DAPP1: variants seen among roughly 807,000 people sequenced by gnomAD.
DAPP1 encodes dual adapter for phosphotyrosine and 3-phosphotyrosine and 3-phosphoinositide.
Under a neutral mutation model 41.5 loss-of-function variants are expected in DAPP1, and 20 were observed. That is an observed-to-expected ratio of 0.48 (90% CI 0.34 to 0.70). The LOEUF (loss-of-function observed/expected upper bound fraction) is 0.70. Ranked by LOEUF, DAPP1 falls within the 30% of genes least tolerant of loss-of-function variation. The pLI is 0.01. For synonymous variants in DAPP1, 113 were observed against 116.2 expected, an observed-to-expected ratio of 0.97 and a Z score of 0.18; for missense variants, 233 against 333.4, an observed-to-expected ratio of 0.70 and a Z score of 2.35.
At chr4:99,834,567 C>G (rs896289540) in intron 1 of DAPP1, among the ~76,000 whole-genome samples, 3 of 152,126 alleles carry the variant, frequency 2.0e-5, no homozygotes, top group Admixed American at 6.5e-5. Context: ...ATGACAATAG[C>G]CTTTAGTATT....
chr4:99,860,593 T>A (rs1724204451), intron 4 of DAPP1, among the ~76,000 whole-genome samples: 1 of 152,236 alleles, frequency 6.6e-6, no homozygotes, highest in South Asian at 2.1e-4. Context: ...TTTGCTTATT[T>A]CCTGCTTTAA....
At chr4:99,818,742 C>A (rs561134843) in intron 1 of DAPP1, among the ~76,000 whole-genome samples, 3 of 151,930 alleles carry the variant, frequency 2.0e-5, no homozygotes, top group Admixed American at 6.6e-5. Flanking sequence ...AAGGCGTGAA[C>A]AATTAATAAA....
At chr4:99,864,307 A>G (rs1313385361) in intron 7 of DAPP1, 1 of 153,274 alleles carries the variant, frequency 6.5e-6, no homozygotes. Flanking sequence ...ATTTCCCACT[A>G]CCTTTTATTT....
At chr4:99,838,554 A>G (rs1224539654) in intron 2 of DAPP1, among the ~76,000 whole-genome samples, 1 of 152,094 alleles carries the variant, frequency 6.6e-6, no homozygotes, top group Non-Finnish European at 1.5e-5. Context: ...GATTCTCATG[A>G]GGAGTGTGCC....
At chr4:99,852,019 T>C (rs1723879570) in intron 3 of DAPP1, among the ~76,000 whole-genome samples, 1 of 152,176 alleles carries the variant, frequency 6.6e-6, no homozygotes, top group Non-Finnish European at 1.5e-5. Context: ...AATATCACCC[T>C]CTCCCAACCC....
chr4:99,835,522 C>T, intron 1 of DAPP1, 101 bp from the exon 2 acceptor site: 1 of 1,514,792 alleles, frequency 6.6e-7, no homozygotes, highest in Non-Finnish European at 8.8e-7. Context: ...GGCTACTTAT[C>T]TTGAAGAATG....
rs774536733 is a variant in DAPP1 at position 99,853,246 on chromosome 4, C to T, written c.387C>T (p.Tyr129=). The T allele has an allele frequency of 2.5e-6, 4 of 1,613,796 alleles. No homozygotes were observed. The African/African-American group carries it at 5.3e-5, about 22-fold the overall frequency. The stretch of plus-strand genomic sequence containing the variant: ...CTCTGATGGTTCTAAAACATCCCTA[C>T]CCAAGAAAAGTGGAAGAACCCTCCA... ...TGTLMVLKHP[Y]PRKVEEPSIY... Residue 129 remains tyrosine, a synonymous_variant, in exon 4 of 9, where the codon TAC becomes TAT. Transcript: ENST00000512369.
At chr4:99,822,952 CT>C (rs983093993) in intron 1 of DAPP1, among the ~76,000 whole-genome samples, 4 of 152,160 alleles carry the variant, frequency 2.6e-5, no homozygotes, top group African/African-American at 7.2e-5. Flanking sequence ...CATGCTTCCC[CT>C]GACCCTGCCC....
intron 4 of DAPP1, among the ~76,000 whole-genome samples, chr4:99,857,914 C>T (rs1316322932): frequency 6.6e-6 from 1 of 151,912 alleles, no homozygotes; most frequent in Non-Finnish European, 1.5e-5. Flanking sequence ...TTTTAACATG[C>T]TTTTTTATTT....
chr4:99,842,444 T>A (rs1241195467), intron 3 of DAPP1, among the ~76,000 whole-genome samples: 1 of 152,274 alleles, frequency 6.6e-6, no homozygotes, highest in Non-Finnish European at 1.5e-5. Flanking sequence ...CTGATGGATA[T>A]GCACTTGACT....
intron 1 of DAPP1, among the ~76,000 whole-genome samples, chr4:99,819,807 A>C (rs535609225): frequency 1.3e-5 from 2 of 152,256 alleles, no homozygotes; most frequent in South Asian, 4.2e-4. Context: ...AAATAGCAGA[A>C]GTCTTTGTTC....
At chr4:99,822,304 G>A (rs1472179117) in intron 1 of DAPP1, among the ~76,000 whole-genome samples, 3 of 152,152 alleles carry the variant, frequency 2.0e-5, no homozygotes, top group African/African-American at 7.2e-5. Context: ...GATGACGCCA[G>A]GCAAGGCAGC....
chr4:99,832,469 C>G (rs1723159104), intron 1 of DAPP1, among the ~76,000 whole-genome samples: 1 of 152,168 alleles, frequency 6.6e-6, no homozygotes, highest in Non-Finnish European at 1.5e-5. Flanking sequence ...GAATGAGGAT[C>G]CTTATTGCAC....
chr4:99,848,545 T>G, intron 3 of DAPP1, among the ~76,000 whole-genome samples: 1 of 152,162 alleles, frequency 6.6e-6, no homozygotes, highest in East Asian at 1.9e-4. Flanking sequence ...CAGAATTTTT[T>G]AAAAGGATAT....
At chr4:99,866,736 C>T in intron 8 of DAPP1, 39 of 526,372 alleles carry the variant, frequency 7.4e-5, no homozygotes, top group South Asian at 1.1e-4. Context: ...TAAATACCAT[C>T]TTAAAAACTT....
chr4:99,817,090 T>A, intron 1 of DAPP1, 76 bp downstream of exon 1: 2 of 1,123,562 alleles, frequency 1.8e-6, no homozygotes, highest in Non-Finnish European at 2.6e-6. Flanking sequence ...ATGCTTTGAT[T>A]AATGACTATC....
intron 1 of DAPP1, among the ~76,000 whole-genome samples, chr4:99,827,232 A>T (rs1410600735): frequency 6.6e-6 from 1 of 152,030 alleles, no homozygotes; most frequent in African/African-American, 2.4e-5. Flanking sequence ...AAAGTTTCTT[A>T]TTGCACCTGA....
chr4:99,835,645 C>G lies in DAPP1; in HGVS notation c.124C>G (p.Arg42Gly). Reference protein sequence around the residue: ...DLGWYHGNLTRHAAEALLLSN... With the variant: ...DLGWYHGNLTGHAAEALLLSN... ...TAGGTGGTATCACGGCAACCTCACA[C>G]GCCATGCTGCTGAAGCTCTTCTCCT... Residue 42 changes from arginine (R) to glycine (G), a missense_variant, in exon 2 of 9, where the codon CGC becomes GGC. Transcript: ENST00000512369. 6.2e-7 allele frequency: 1 copy of G among 1,613,596 alleles called. No individual in the cohort carries two copies. The highest frequency in any genetic ancestry group is 8.5e-7 in the Non-Finnish European group (1 of 1,179,854).
At chr4:99,854,126 T>G (rs985000739) in intron 4 of DAPP1, among the ~76,000 whole-genome samples, 1 of 152,242 alleles carries the variant, frequency 6.6e-6, no homozygotes, top group African/African-American at 2.4e-5. Context: ...AAAACACTTG[T>G]GCTTCTTTGC....
Sources: allele counts gnomAD v4.1 joint callset (sites outside exome capture counted in the v4.1 genomes callset), GRCh38; gene constraint gnomAD v4.1.1; transcripts MANE v1.5; gene names NCBI Gene and HGNC (gene_info 2026-07-23, HGNC 2026-07-21).